Variants in NOL4 observed in about 807,000 individuals in gnomAD.
NOL4 encodes the protein cancer/testis antigen 125.
A neutral mutation model predicts 75.9 loss-of-function variants in NOL4; 17 were observed. The ratio of observed to expected loss-of-function variants is 0.22; its 90% CI spans 0.15 to 0.34. The LOEUF (loss-of-function observed/expected upper bound fraction) is 0.34, where lower values mean the gene tolerates loss of function less well. Ranked by LOEUF, NOL4 falls within the 10% of genes least tolerant of loss-of-function variation. The pLI is 1.00. For synonymous variants in NOL4, 292 were observed against 289.9 expected (o/e 1.01, Z -0.07); for missense variants, 614 against 793.5 (o/e 0.77, Z 2.72).
At chr18:34,165,042 G>C (rs1295130393) in intron 1 of NOL4, among the ~76,000 whole-genome samples, 1 of 145,226 alleles carries the variant, frequency 6.9e-6, no homozygotes, top group Non-Finnish European at 1.5e-5. Flanking sequence ...ATTGAACAAT[G>C]AGAACACATG....
chr18:34,223,410 G>A lies in NOL4; in HGVS notation c.-157C>T, dbSNP rs924745579. The A allele has an allele frequency of 3.8e-6, 4 of 1,041,454 alleles. No homozygotes were observed. Among genetic ancestry groups the A allele is most frequent in the Non-Finnish European group, 5.4e-6 (4 of 734,026 alleles). The allele number at this position is 1,041,454 out of a possible 1,614,324, so 64.5% of individuals were successfully genotyped here. On this transcript the variant is annotated 5_prime_UTR_variant, in exon 1 of 11. Transcript: ENST00000261592. ...GGGTGGGGGAAGGGATGGGAAGAGGGGAGGAGGGTCCGGTTGGGCACCAGC... is the reference window on the plus strand; with the variant it reads ...GGGTGGGGGAAGGGATGGGAAGAGGAGAGGAGGGTCCGGTTGGGCACCAGC...
chr18:33,971,152 G>C (rs2071024171), intron 6 of NOL4, among the ~76,000 whole-genome samples: 2 of 152,220 alleles, frequency 1.3e-5, no homozygotes, highest in South Asian at 2.1e-4. Context: ...TTCAGTTTTT[G>C]TTTCTCCTGT....
intron 4 of NOL4, among the ~76,000 whole-genome samples, chr18:34,094,988 T>C (rs893408827): frequency 6.6e-6 from 1 of 152,176 alleles, no homozygotes; most frequent in African/African-American, 2.4e-5. Context: ...GAGTTTCTAT[T>C]ATTAACGAAC....
At chr18:34,218,329 G>A (rs924557953) in intron 1 of NOL4, among the ~76,000 whole-genome samples, 2 of 152,148 alleles carry the variant, frequency 1.3e-5, no homozygotes, top group African/African-American at 2.4e-5. Context: ...AAATATATAC[G>A]AGTGCCAAAT....
chr18:33,937,779 T>C (rs1334569100), intron 9 of NOL4, among the ~76,000 whole-genome samples: 3 of 151,996 alleles, frequency 2.0e-5, no homozygotes, highest in Non-Finnish European at 4.4e-5. Context: ...AAAAAAGTAG[T>C]TTATACACTT....
intron 9 of NOL4, among the ~76,000 whole-genome samples, chr18:33,897,411 C>T (rs2065475094): frequency 6.6e-6 from 1 of 152,148 alleles, no homozygotes; most frequent in South Asian, 2.1e-4. Context: ...GGTATATATA[C>T]ACTATGGAAT....
intron 5 of NOL4, among the ~76,000 whole-genome samples, chr18:34,064,154 T>A (rs2077173959): frequency 1.3e-5 from 2 of 152,054 alleles, no homozygotes; most frequent in African/African-American, 4.8e-5. Context: ...ACTCGTTTAT[T>A]GGTGCAAGGT....
intron 9 of NOL4, among the ~76,000 whole-genome samples, chr18:33,911,856 G>T (rs1036404078): frequency 1.3e-5 from 2 of 151,934 alleles, no homozygotes; most frequent in Admixed American, 6.6e-5. Context: ...AATTTATTCT[G>T]CCCATTTTTA....
chr18:34,199,942 G>C (rs2035612596), intron 1 of NOL4, among the ~76,000 whole-genome samples: 1 of 151,766 alleles, frequency 6.6e-6, no homozygotes, highest in Admixed American at 6.6e-5. Flanking sequence ...TCCTATAACT[G>C]GATACCAACA....
chr18:33,859,989 A>G (rs2063024259), intron 10 of NOL4, among the ~76,000 whole-genome samples: 1 of 152,030 alleles, frequency 6.6e-6, no homozygotes, highest in South Asian at 2.1e-4. Context: ...GGTTTAATTG[A>G]CTCACAGTTA....
intron 2 of NOL4, among the ~76,000 whole-genome samples, chr18:34,119,547 C>T (rs1312702659): frequency 1.3e-5 from 2 of 152,286 alleles, no homozygotes; most frequent in African/African-American, 2.4e-5. Context: ...TCTTCCCACC[C>T]GTTCATCTAC....
At chr18:34,128,924 A>G (rs2080505126) in intron 2 of NOL4, 10 of 864,688 alleles carry the variant, frequency 1.2e-5, no homozygotes, top group Non-Finnish European at 1.4e-5. Context: ...GATATTGTAT[A>G]TCAATATAGC....
intron 6 of NOL4, among the ~76,000 whole-genome samples, chr18:34,005,322 A>G (rs1490345453): frequency 1.4e-4 from 21 of 152,096 alleles, no homozygotes; most frequent in Non-Finnish European, 7.4e-5. Flanking sequence ...GGGACTGGCT[A>G]TGCTGGATTC....
At chr18:33,926,415 T>C (rs1488506026) in intron 9 of NOL4, among the ~76,000 whole-genome samples, 1 of 149,406 alleles carries the variant, frequency 6.7e-6, no homozygotes, top group Non-Finnish European at 1.5e-5. Context: ...TTCTCTACTG[T>C]ATTTGTTATT....
At position 34,137,393 on chromosome 18, in the gene NOL4, A is replaced by G. The variant is rs372123851; in HGVS notation, c.265-7373T>C. Among the ~76,000 whole-genome samples the G allele has an allele frequency of 3.3e-5, 5 of 152,328 alleles. No homozygotes were observed. In the East Asian group the frequency reaches 9.6e-4, roughly 29 times the overall value. ...AAAATATTTGGAAATCATATACCTAATAAAGGACTTACATCCATAATATAT... is the reference window on the plus strand; with the variant it reads ...AAAATATTTGGAAATCATATACCTAGTAAAGGACTTACATCCATAATATAT... On this transcript the variant is annotated intron_variant, in intron 1 of 10. Coordinates refer to ENST00000261592, the MANE Select transcript of NOL4 (RefSeq NM_003787.5).
intron 1 of NOL4, among the ~76,000 whole-genome samples, chr18:34,168,606 T>A (rs919212958): frequency 3.3e-5 from 5 of 150,812 alleles, no homozygotes; most frequent in Admixed American, 3.3e-4. Context: ...TTAAAAGAAA[T>A]GTAAAAGAAG....
chr18:34,105,263 T>A, intron 2 of NOL4, 103 bp from the exon 3 acceptor site: 1 of 749,012 alleles, frequency 1.3e-6, no homozygotes, highest in South Asian at 1.6e-5. Context: ...TATTCCATAA[T>A]GGCAGGAAGC....
At chr18:34,130,139 A>G in intron 1 of NOL4, 119 bp from the exon 2 acceptor site, 1 of 927,758 alleles carries the variant, frequency 1.1e-6, no homozygotes, top group Non-Finnish European at 1.5e-6. Context: ...CTATATAGGA[A>G]ACGTCAAAAA....
At chr18:34,161,204 T>C (rs945054342) in intron 1 of NOL4, among the ~76,000 whole-genome samples, 3 of 152,300 alleles carry the variant, frequency 2.0e-5, no homozygotes, top group Middle Eastern at 3.4e-3. Context: ...CATATTTTCT[T>C]TATCCATCTG....
Sources: allele counts gnomAD v4.1 joint callset (sites outside exome capture counted in the v4.1 genomes callset), GRCh38; gene constraint gnomAD v4.1.1; transcripts MANE v1.5; gene names NCBI Gene and HGNC (gene_info 2026-07-23, HGNC 2026-07-21).